UBN2: variants seen among roughly 807,000 people sequenced by gnomAD.
UBN2 encodes the protein ubinuclein-2.
A neutral mutation model predicts 120.2 loss-of-function variants in UBN2; 35 were observed. That is an observed-to-expected ratio of 0.29 (90% CI 0.22 to 0.39). The LOEUF is 0.39. Among genes scored for constraint, UBN2 ranks in the 10% least tolerant of loss-of-function variants. The pLI, the probability that UBN2 is intolerant of heterozygous loss-of-function variation, is 1.00. For missense variants in UBN2, 1,693 were observed against 1,663.2 expected, an observed-to-expected ratio of 1.02 and a Z score of -0.31; for synonymous variants, 661 against 648.7, an observed-to-expected ratio of 1.02 and a Z score of -0.29.
In UBN2 at chr7:139,297,905, A is replaced by AG; in HGVS notation, c.*69_*70insG. ...GAATCTACCTGATGGGAAAGTACTTATGTGGTCATAGGGCTGCTGTTTCTG... is the reference window on the plus strand; with the variant it reads ...GAATCTACCTGATGGGAAAGTACTTAGTGTGGTCATAGGGCTGCTGTTTCTG... On this transcript the variant is annotated 3_prime_UTR_variant, in exon 18 of 18. Transcript: ENST00000473989. The AG allele has an allele frequency of 1.3e-6, 2 of 1,530,660 alleles. No homozygotes were observed. Among genetic ancestry groups the AG allele is most frequent in the Non-Finnish European group, 1.8e-6 (2 of 1,105,090 alleles). The allele number at this position is 1,530,660 out of a possible 1,614,324, so 94.8% of individuals were successfully genotyped here.
At chr7:139,291,189 C>T (rs796326827) in intron 15 of UBN2, among the ~76,000 whole-genome samples, 41 of 151,202 alleles carry the variant, frequency 2.7e-4, no homozygotes, top group African/African-American at 9.0e-4. Context: ...GGTGAAACCC[C>T]GTCTCTACTA....
chr7:139,286,305 C>A (rs1160576733), intron 15 of UBN2, among the ~76,000 whole-genome samples: 1 of 152,172 alleles, frequency 6.6e-6, no homozygotes, highest in East Asian at 1.9e-4. Context: ...CTCAAGTGAT[C>A]TGCCCGCTTC....
At chr7:139,268,064 C>T (rs1394071454) in intron 7 of UBN2, among the ~76,000 whole-genome samples, 2 of 152,146 alleles carry the variant, frequency 1.3e-5, no homozygotes, top group African/African-American at 2.4e-5. Flanking sequence ...TTTTATTTTG[C>T]TCTTCTGTAA....
intron 12 of UBN2, chr7:139,277,100 T>G (rs1797466907): frequency 6.6e-6 from 1 of 152,126 alleles, no homozygotes; most frequent in South Asian, 2.1e-4. Context: ...AATATAAAAT[T>G]AGCAAGTTAC....
chr7:139,291,863 T>A lies in UBN2; in HGVS notation c.3670-1369T>A, dbSNP rs115246406. ...AGTGAAACCCCGTCTCTAAAAAAAA[T>A]AATAATAAATTTTTTTTAAATAAAA... On this transcript the variant is annotated intron_variant, in intron 15 of 17. Transcript: ENST00000473989. Among the ~76,000 whole-genome samples, 183 of 151,970 alleles carry A rather than the reference T, an allele frequency of 1.2e-3. 2 individuals carry two copies. The highest frequency in any genetic ancestry group is 6.8e-3 in the Middle Eastern group (2 of 294).
At chr7:139,288,269 T>C (rs1797846771) in intron 15 of UBN2, among the ~76,000 whole-genome samples, 1 of 151,842 alleles carries the variant, frequency 6.6e-6, no homozygotes, top group African/African-American at 2.4e-5. Flanking sequence ...TGTGAAAAAA[T>C]TGTAGGATAA....
chr7:139,267,824 A>G (rs1317393655), intron 7 of UBN2, among the ~76,000 whole-genome samples: 2 of 152,104 alleles, frequency 1.3e-5, no homozygotes, highest in Non-Finnish European at 2.9e-5. Flanking sequence ...TTAACCAGGA[A>G]TTTTCAGATG....
chr7:139,244,138 A>C (rs1011475163), intron 2 of UBN2, among the ~76,000 whole-genome samples: 1 of 152,142 alleles, frequency 6.6e-6, no homozygotes, highest in Admixed American at 6.5e-5. Flanking sequence ...TGCCCCAGAG[A>C]GCTATGTGTA....
At chr7:139,269,563 T>A in intron 8 of UBN2, 40 bp downstream of exon 8, 1 of 1,606,928 alleles carries the variant, frequency 6.2e-7, no homozygotes, top group African/African-American at 1.3e-5. Context: ...TTGGGTTTCA[T>A]AACCTGTAAA....
In UBN2 at chr7:139,273,931, A is replaced by G. The variant is rs1797365418; in HGVS notation, c.1830A>G (p.Arg610=). The G allele has an allele frequency of 6.3e-7, 1 of 1,596,842 alleles. No individual in the cohort carries two copies. Among genetic ancestry groups the G allele is most frequent in the Non-Finnish European group, 8.5e-7 (1 of 1,175,548 alleles). ...RKKFHWDDTI[R]TLLCNLVEIK... ...CAAATTTAATTTTCAATCTGTTTAG[A>G]ACTTTGTTATGTAACCTTGTTGAGA... Residue 610 remains arginine (R), a splice_region_variant and synonymous_variant, in exon 11 of 18, where the codon AGA becomes AGG. Coordinates refer to ENST00000473989, the MANE Select transcript of UBN2 (RefSeq NM_173569.4).
chr7:139,269,412 A>G lies in UBN2; in HGVS notation c.1485A>G (p.Gln495=), dbSNP rs1329897971. ...NILLDIELQL[Q]ELGPVIRSGV... The stretch of plus-strand genomic sequence containing the variant: ...TGGCCAGCATTGAGTTACAGCTACA[A>G]GAACTAGGCCCTGTCATTCGCAGTG... Residue 495 remains glutamine (Q), a synonymous_variant, in exon 8 of 18, where the codon CAA becomes CAG. Coordinates refer to ENST00000473989, the MANE Select transcript of UBN2 (RefSeq NM_173569.4). 1 of 1,613,932 alleles carries G rather than the reference A, an allele frequency of 6.2e-7. No individual in the cohort carries two copies. The highest frequency in any genetic ancestry group is 8.5e-7 in the Non-Finnish European group (1 of 1,179,966).
chr7:139,253,370 A>G (rs1408001308), intron 3 of UBN2, among the ~76,000 whole-genome samples: 1 of 152,224 alleles, frequency 6.6e-6, no homozygotes, highest in East Asian at 1.9e-4. Context: ...TTTATTGGTC[A>G]AAGGGCATTT....
In UBN2 at chr7:139,303,446, A is replaced by G. The variant is rs991599865; in HGVS notation, c.*5610A>G. On this transcript the variant is annotated 3_prime_UTR_variant, in exon 18 of 18. Transcript: ENST00000473989. Reference sequence around the variant, plus strand: ...AGAGACTAGTGGCTTAAAAGGAGAAAGCAGAAGCTCCTGGTAGTGTTACCT... The same window carrying G: ...AGAGACTAGTGGCTTAAAAGGAGAAGGCAGAAGCTCCTGGTAGTGTTACCT... 1.3e-5 allele frequency: 2 copies of G among 152,192 alleles called. No individual in the cohort carries two copies. Among genetic ancestry groups the G allele is most frequent in the Non-Finnish European group, 2.9e-5 (2 of 68,042 alleles). The allele number at this position is 152,192 out of a possible 1,614,324, so 9.4% of individuals were successfully genotyped here. A position where few individuals can be genotyped will look rare whatever the true frequency, so the allele number is the denominator to read the frequency against.
At chr7:139,259,436 A>T in intron 5 of UBN2, 66 bp downstream of exon 5, 1 of 1,580,618 alleles carries the variant, frequency 6.3e-7, no homozygotes, top group Non-Finnish European at 8.6e-7. Flanking sequence ...CTTTAGAAAG[A>T]TATACTTACC....
At position 139,293,883 on chromosome 7, in the gene UBN2, T is replaced by C; in HGVS notation, c.3902-6T>C. ...AAGATGACTGACAAGTCTGTTTTCC[T>C]CTCAGATTTACTAAAGGGTTTACAG... On this transcript the variant is annotated splice_region_variant and splice_polypyrimidine_tract_variant and intron_variant, in intron 16 of 17. Transcript: ENST00000473989. 1 of 1,613,606 alleles carries C rather than the reference T, an allele frequency of 6.2e-7. No homozygotes were observed. The highest frequency in any genetic ancestry group is 8.5e-7 in the Non-Finnish European group (1 of 1,179,548).
the UBN2 span, among the ~76,000 whole-genome samples, chr7:139,328,350 G>A: frequency 1.3e-5 from 2 of 152,162 alleles, no homozygotes; most frequent in Admixed American, 6.5e-5. Flanking sequence ...ACTGTCGTGC[G>A]AATAGCAAGG....
At chr7:139,247,658 T>TGGTA (rs1257676426) in intron 2 of UBN2, among the ~76,000 whole-genome samples, 1 of 152,186 alleles carries the variant, frequency 6.6e-6, no homozygotes, top group Non-Finnish European at 1.5e-5. Flanking sequence ...ATTCAGTGAA[T>TGGTA]GGTAGCTTGG....
At chr7:139,313,411 A>G in the UBN2 span, among the ~76,000 whole-genome samples, 1 of 152,184 alleles carries the variant, frequency 6.6e-6, no homozygotes, top group African/African-American at 2.4e-5. Flanking sequence ...GGTACTAAGG[A>G]ATGCTATTGA....
the UBN2 span, among the ~76,000 whole-genome samples, chr7:139,325,271 T>G: frequency 2.1e-5 from 3 of 141,300 alleles, no homozygotes; most frequent in African/African-American, 7.9e-5. Flanking sequence ...CTTTTTTTTT[T>G]TTTTTTTTTT....
Sources: allele counts gnomAD v4.1 joint callset (sites outside exome capture counted in the v4.1 genomes callset), GRCh38; gene constraint gnomAD v4.1.1; transcripts MANE v1.5; gene names NCBI Gene and HGNC (gene_info 2026-07-23, HGNC 2026-07-21).